Variants in WNK2 observed in about 807,000 individuals in gnomAD.
The protein encoded by WNK2 is WNK lysine deficient protein kinase 2.
WNK2 carries 67 observed loss-of-function variants against 192.1 expected under a neutral mutation model. That is an observed-to-expected ratio of 0.35 (90% CI 0.29 to 0.43). The LOEUF is 0.43. WNK2 is among the 20% of genes least tolerant of loss of function. The pLI is 1.00. For synonymous variants in WNK2, 1,439 were observed against 1,393.9 expected, an observed-to-expected ratio of 1.03 and a Z score of -0.72; for missense variants, 2,698 against 3,089.7, an observed-to-expected ratio of 0.87 and a Z score of 3.01.
intron 2 of WNK2, among the ~76,000 whole-genome samples, chr9:93,221,876 A>G (rs930319817): frequency 2.0e-5 from 3 of 152,212 alleles, no homozygotes; most frequent in Admixed American, 6.5e-5. Flanking sequence ...GTTTAGAAAC[A>G]GCTGGTGGAG....
Position 93,308,572 on chromosome 9 carries a change from C to T in WNK2, c.6504C>T (p.Gly2168=), listed in dbSNP as rs780657914. The change falls in exon 28 of 30, where the codon GGC becomes GGT. Residue 2168 remains glycine, a synonymous_variant. Coordinates refer to ENST00000427277, the MANE Select transcript of WNK2 (RefSeq NM_006648.4). ...MEAQAGWAAP[G]EARAMTAPRA... is the part of the protein sequence containing the mutation. ...CCCAGGCAGGCTGGGCTGCCCCTGGCGAGGCGCGGGCTGTGAGTGCGGGGC... is the reference window on the plus strand; with the variant it reads ...CCCAGGCAGGCTGGGCTGCCCCTGGTGAGGCGCGGGCTGTGAGTGCGGGGC... 3.5e-5 allele frequency: 42 copies of T among 1,196,460 alleles called. No individual in the cohort carries two copies. Among genetic ancestry groups the T allele is most frequent in the Admixed American group, 8.2e-5 (4 of 48,616 alleles). The allele number at this position is 1,196,460 out of a possible 1,614,324, so 74.1% of individuals were successfully genotyped here.
rs769025383 is a variant in WNK2, at chr9:93,267,814, C to T, written c.3765C>T (p.Asp1255=). Residue 1255 remains aspartate, a synonymous_variant, in exon 17 of 30, where the codon GAC becomes GAT. Transcript: ENST00000427277. ...TCGAGCAGATGAAGGATGTCATGGA[C>T]AAGGCAGAGGACATGCTCAGCGAGG... ...TFIEQMKDVM[D]KAEDMLSEDT... 3 of 1,612,378 alleles carry T rather than the reference C, an allele frequency of 1.9e-6. No individual in the cohort carries two copies. The highest frequency in any genetic ancestry group is 1.3e-5 in the African/African-American group (1 of 74,914).
In WNK2 at chr9:93,229,680, G is replaced by A. The variant is rs1251768880; in HGVS notation, c.682-16G>A. The A allele has an allele frequency of 6.2e-7, 1 of 1,607,874 alleles. No individual in the cohort carries two copies. The highest frequency in any genetic ancestry group is 8.5e-7 in the Non-Finnish European group (1 of 1,175,828). On this transcript the variant is annotated splice_polypyrimidine_tract_variant and intron_variant, in intron 2 of 29. Transcript: ENST00000427277. This position sits in a 1 kb window ranked among gnomAD's most constrained non-coding sequence, Gnocchi z 4.9. ...GTCCCATCTCTTGCCCACTTAGCATGTCTCTTGCCCTGTAGGACCGGAAGC... is the reference window on the plus strand; with the variant it reads ...GTCCCATCTCTTGCCCACTTAGCATATCTCTTGCCCTGTAGGACCGGAAGC...
chr9:93,244,222 C>T (rs373191571), intron 7 of WNK2, among the ~76,000 whole-genome samples: 124 of 152,302 alleles, frequency 8.1e-4, no homozygotes, highest in African/African-American at 2.8e-3. Flanking sequence ...CTCTCCTTCC[C>T]CTGAAGTCAC....
chr9:93,227,306 G>T (rs1321673562), intron 2 of WNK2, among the ~76,000 whole-genome samples: 1 of 151,940 alleles, frequency 6.6e-6, no homozygotes, highest in African/African-American at 2.4e-5. Context: ...GTAGAGACGG[G>T]GTTTCACCAT....
intron 8 of WNK2, among the ~76,000 whole-genome samples, chr9:93,251,420 A>G (rs770428198): frequency 1.2e-4 from 19 of 152,118 alleles, no homozygotes; most frequent in Non-Finnish European, 2.6e-4. Context: ...CCCGGCACAT[A>G]TTCACTTTAA....
chr9:93,307,616 A>C (rs998226345), intron 27 of WNK2: 2 of 152,356 alleles, frequency 1.3e-5, no homozygotes, highest in Admixed American at 6.5e-5. Context: ...TCCCTCCTGC[A>C]GCAGGGCGTT....
chr9:93,252,198 C>T (rs1842687878), intron 8 of WNK2, among the ~76,000 whole-genome samples: 1 of 152,162 alleles, frequency 6.6e-6, no homozygotes, highest in Non-Finnish European at 1.5e-5. Flanking sequence ...TATGAGAAGC[C>T]CGTGGGCTCT....
At chr9:93,314,396 C>T (rs918467534) in intron 28 of WNK2, among the ~76,000 whole-genome samples, 5 of 150,342 alleles carry the variant, frequency 3.3e-5, no homozygotes, top group East Asian at 1.9e-4. Flanking sequence ...TGCAGTGAGC[C>T]GAGATAGTGC....
At chr9:93,211,477 C>CTCACTCACTCATCCACTCATTCAT (rs1160073095) in intron 2 of WNK2, among the ~76,000 whole-genome samples, 7 of 147,374 alleles carry the variant, frequency 4.7e-5, no homozygotes, top group Non-Finnish European at 1.1e-4. Flanking sequence ...CTCCCATCCA[C>CTCACTCACTCATCCACTCATTCAT]TCACTCACTC....
intron 2 of WNK2, among the ~76,000 whole-genome samples, chr9:93,214,710 C>G (rs1480636937): frequency 8.1e-6 from 1 of 124,036 alleles, no homozygotes; most frequent in African/African-American, 3.0e-5. Context: ...CCCCCCCCCC[C>G]CGCCCTCTCT....
intron 2 of WNK2, among the ~76,000 whole-genome samples, chr9:93,195,864 C>G (rs891382137): frequency 1.3e-5 from 2 of 152,130 alleles, no homozygotes; most frequent in African/African-American, 4.8e-5. Flanking sequence ...GTCACGACTT[C>G]TAGAATCTGT....
intron 4 of WNK2, among the ~76,000 whole-genome samples, chr9:93,232,320 A>C (rs1157406811): frequency 1.3e-5 from 2 of 152,020 alleles, no homozygotes; most frequent in Non-Finnish European, 2.9e-5. Flanking sequence ...GGGGGAGCTG[A>C]GTGGTGGAGC....
At chr9:93,238,206 C>A in intron 5 of WNK2, 27 bp from the exon 6 acceptor site, 1 of 1,611,362 alleles carries the variant, frequency 6.2e-7, no homozygotes, top group South Asian at 1.1e-5. Flanking sequence ...CCGATCGGGT[C>A]AGGTAACTCT....
intron 21 of WNK2, 101 bp downstream of exon 21, chr9:93,290,148 A>G: frequency 9.4e-7 from 1 of 1,067,622 alleles, no homozygotes; most frequent in South Asian, 1.5e-5. Flanking sequence ...CTGTTAAGGC[A>G]TAAAAGCATT....
At chr9:93,252,316 T>G (rs1218973914) in intron 8 of WNK2, among the ~76,000 whole-genome samples, 1 of 152,206 alleles carries the variant, frequency 6.6e-6, no homozygotes, top group Non-Finnish European at 1.5e-5. Flanking sequence ...CCATGGGCGC[T>G]TGGTGTCACC....
chr9:93,238,715 C>T (rs899008354), intron 6 of WNK2, among the ~76,000 whole-genome samples: 9 of 152,232 alleles, frequency 5.9e-5, no homozygotes, highest in African/African-American at 1.9e-4. Flanking sequence ...AACATCCCCA[C>T]GCCAGTGGCT....
At chr9:93,211,967 C>T (rs1834873287) in intron 2 of WNK2, among the ~76,000 whole-genome samples, 1 of 152,060 alleles carries the variant, frequency 6.6e-6, no homozygotes, top group Non-Finnish European at 1.5e-5. Context: ...TACATTCACT[C>T]ACTCACTCAT....
chr9:93,229,557 C>A lies in WNK2; in HGVS notation c.682-139C>A. On this transcript the variant is annotated intron_variant, in intron 2 of 29. Coordinates refer to ENST00000427277, the MANE Select transcript of WNK2 (RefSeq NM_006648.4). This position sits in a 1 kb window ranked among gnomAD's most constrained non-coding sequence, Gnocchi z 4.9. ...CAGTTGTGGTGCCAGTGTCTGCATG[C>A]CCTTCTATCATAGCCGCTTAGCTGC... 2 of 928,298 alleles carry A rather than the reference C, an allele frequency of 2.2e-6. No homozygotes were observed. The highest frequency in any genetic ancestry group is 1.6e-6 in the Non-Finnish European group (1 of 627,754). 57.5% of individuals were successfully genotyped at this position (928,298 alleles called of 1,614,324 possible).
Sources: allele counts gnomAD v4.1 joint callset (sites outside exome capture counted in the v4.1 genomes callset), GRCh38; gene constraint gnomAD v4.1.1; non-coding constraint Gnocchi (gnomAD v3.1); transcripts MANE v1.5; gene names NCBI Gene and HGNC (gene_info 2026-07-23, HGNC 2026-07-21).